The following PTPRQ variants were observed in gnomAD, a reference collection of about 807,000 sequenced individuals.
PTPRQ encodes phosphatidylinositol phosphatase PTPRQ.
Under a neutral mutation model 246.0 loss-of-function variants are expected in PTPRQ, and 199 were observed. The observed-to-expected ratio is 0.81, with a 90% CI of 0.72 to 0.91. The LOEUF is 0.91. PTPRQ is among the 40% of genes least tolerant of loss of function. PTPRQ has a pLI of 0.00. For synonymous variants in PTPRQ, 869 were observed against 853.2 expected, an observed-to-expected ratio of 1.02 and a Z score of -0.32; for missense variants, 2,624 against 2,528.4, an observed-to-expected ratio of 1.04 and a Z score of -0.81.
chr12:80,659,838 T>A (rs1359047452), intron 39 of PTPRQ, among the ~76,000 whole-genome samples: 2 of 152,064 alleles, frequency 1.3e-5, no homozygotes, highest in African/African-American at 4.8e-5. Context: ...AGCTGCATGG[T>A]AAGCAGGCTC....
intron 17 of PTPRQ, among the ~76,000 whole-genome samples, chr12:80,531,934 A>T (rs2400723): frequency 0.9 from 136,437 of 152,078 alleles, 61,784 homozygotes; most frequent in Non-Finnish European, 0.93. Flanking sequence ...TTATAACAAC[A>T]AGCTTCTTTT....
intron 17 of PTPRQ, among the ~76,000 whole-genome samples, chr12:80,522,969 T>C (rs1895553249): frequency 1.3e-5 from 2 of 152,202 alleles, no homozygotes; most frequent in African/African-American, 4.8e-5. Context: ...TCTGGTAGAA[T>C]TCGGCTGTGA....
intron 19 of PTPRQ, among the ~76,000 whole-genome samples, chr12:80,535,855 C>A (rs920395813): frequency 6.6e-6 from 1 of 152,182 alleles, no homozygotes; most frequent in African/African-American, 2.4e-5. Flanking sequence ...CGCCTGTAAT[C>A]CCAGCACTTT....
intron 26 of PTPRQ, among the ~76,000 whole-genome samples, chr12:80,602,224 T>C (rs11114521): frequency 0.063 from 9,624 of 151,842 alleles, 910 homozygotes; most frequent in African/African-American, 0.2. Context: ...TGTATAGTTA[T>C]ATTCAAGTAC....
chr12:80,484,398 C>T, intron 8 of PTPRQ, 35 bp from the exon 9 acceptor site: 1 of 1,396,316 alleles, frequency 7.2e-7, no homozygotes, highest in Non-Finnish European at 9.3e-7. Flanking sequence ...TTTTTAATTT[C>T]CCCCTTTTCT....
chr12:80,618,478 A>G (rs1898852717), intron 30 of PTPRQ, among the ~76,000 whole-genome samples: 2 of 151,382 alleles, frequency 1.3e-5, no homozygotes, highest in Admixed American at 1.3e-4. Flanking sequence ...TGCATTGATG[A>G]CAAATTATGA....
chr12:80,574,416 T>G lies in PTPRQ; in HGVS notation c.4286-13713T>G, dbSNP rs913121469. On this transcript the variant is annotated intron_variant, in intron 25 of 44. Coordinates refer to ENST00000644991, the MANE Select transcript of PTPRQ (RefSeq NM_001145026.2). ...CATTTAGATTTAAACTTAGTATTAATTTACTTGACTTTGGATGTACTATTT... is the reference window on the plus strand; with the variant it reads ...CATTTAGATTTAAACTTAGTATTAAGTTACTTGACTTTGGATGTACTATTT... Among the ~76,000 whole-genome samples the G allele has an allele frequency of 1.8e-4, 27 of 152,276 alleles. 1 individual carries two copies. In the East Asian group the frequency reaches 5.2e-3, roughly 29 times the overall value.
At chr12:80,664,363 G>T (rs1484681452) in intron 39 of PTPRQ, among the ~76,000 whole-genome samples, 6 of 151,918 alleles carry the variant, frequency 3.9e-5, no homozygotes, top group Admixed American at 3.9e-4. Context: ...CTACTTGTCT[G>T]CATCTGTGTC....
chr12:80,627,097 TG>T (rs1050531099), intron 33 of PTPRQ, among the ~76,000 whole-genome samples: 5 of 152,088 alleles, frequency 3.3e-5, no homozygotes, highest in African/African-American at 1.2e-4. Context: ...TATATATTTA[TG>T]GGGAACAGAG....
intron 3 of PTPRQ, among the ~76,000 whole-genome samples, chr12:80,448,087 C>T (rs1013607386): frequency 2.6e-5 from 4 of 151,866 alleles, no homozygotes; most frequent in Non-Finnish European, 5.9e-5. Flanking sequence ...TGTAGTTCTC[C>T]TTGTAAAGAT....
intron 39 of PTPRQ, 78 bp downstream of exon 39, chr12:80,658,139 A>G (rs560698157): frequency 8.7e-4 from 816 of 934,696 alleles, no homozygotes; most frequent in Non-Finnish European, 1.1e-3. Context: ...AATTACTTAA[A>G]ACAACAAATT....
chr12:80,607,983 A>C (rs140201597), intron 27 of PTPRQ, among the ~76,000 whole-genome samples: 3 of 150,812 alleles, frequency 2.0e-5, no homozygotes, highest in African/African-American at 7.3e-5. Flanking sequence ...AGTTTGAGGT[A>C]TGAAGTTTTG....
At chr12:80,638,334 T>A (rs1422485742) in intron 35 of PTPRQ, among the ~76,000 whole-genome samples, 1 of 152,074 alleles carries the variant, frequency 6.6e-6, no homozygotes, top group African/African-American at 2.4e-5. Flanking sequence ...AGGCATGTCC[T>A]TTTTATTCCA....
intron 9 of PTPRQ, among the ~76,000 whole-genome samples, chr12:80,488,103 T>C (rs967680912): frequency 5.9e-5 from 9 of 151,856 alleles, no homozygotes; most frequent in Non-Finnish European, 1.3e-4. Flanking sequence ...AGTTGTTTTT[T>C]TTTTTGTCCC....
intron 25 of PTPRQ, among the ~76,000 whole-genome samples, chr12:80,572,138 A>G (rs968105547): frequency 6.6e-6 from 1 of 152,134 alleles, no homozygotes; most frequent in Non-Finnish European, 1.5e-5. Context: ...GAGAATTGAC[A>G]TCTCAGCAAT....
At chr12:80,651,889 A>G (rs775902671) in intron 37 of PTPRQ, among the ~76,000 whole-genome samples, 9 of 152,046 alleles carry the variant, frequency 5.9e-5, no homozygotes, top group Non-Finnish European at 1.3e-4. Context: ...ATACATACCC[A>G]TATGTAAACA....
intron 26 of PTPRQ, among the ~76,000 whole-genome samples, chr12:80,603,737 CT>C (rs1898218016): frequency 6.6e-6 from 1 of 151,470 alleles, no homozygotes; most frequent in Non-Finnish European, 1.5e-5. Context: ...AGAAGTGCCC[CT>C]AACCCTGCTC....
At chr12:80,559,094 G>T (rs1293429520) in intron 25 of PTPRQ, among the ~76,000 whole-genome samples, 2 of 152,152 alleles carry the variant, frequency 1.3e-5, no homozygotes, top group African/African-American at 2.4e-5. Context: ...GCCCGGGGTG[G>T]AGTGCAGTGG....
chr12:80,612,777 A>G (rs1898602117), intron 28 of PTPRQ, among the ~76,000 whole-genome samples: 1 of 150,396 alleles, frequency 6.6e-6, no homozygotes, highest in African/African-American at 2.4e-5. Context: ...ACTGGAAACA[A>G]CCCAAATGTT....
Sources: allele counts gnomAD v4.1 joint callset (sites outside exome capture counted in the v4.1 genomes callset), GRCh38; gene constraint gnomAD v4.1.1; transcripts MANE v1.5; gene names NCBI Gene and HGNC (gene_info 2026-07-23, HGNC 2026-07-21).